PTPRR: variants seen among roughly 807,000 people sequenced by gnomAD.
The protein encoded by PTPRR is protein tyrosine phosphatase receptor type R, also known as receptor-type tyrosine-protein phosphatase R.
A neutral mutation model predicts 77.2 loss-of-function variants in PTPRR; 38 were observed. The ratio of observed to expected loss-of-function variants is 0.49; its 90% CI spans 0.38 to 0.65. The LOEUF (loss-of-function observed/expected upper bound fraction) is 0.65. Among genes scored for constraint, PTPRR ranks in the 30% least tolerant of loss-of-function variants. The pLI is 0.00. For synonymous variants in PTPRR, 299 were observed against 283.1 expected (o/e 1.06, Z -0.57); for missense variants, 744 against 799.2 (o/e 0.93, Z 0.83).
chr12:70,892,649 G>T, intron 2 of PTPRR, 30 bp downstream of exon 2: 1 of 1,604,288 alleles, frequency 6.2e-7, no homozygotes, highest in Non-Finnish European at 8.5e-7. Flanking sequence ...ATCAACATCA[G>T]CCTCAGCATC....
intron 2 of PTPRR, among the ~76,000 whole-genome samples, chr12:70,787,832 T>G (rs1891353934): frequency 6.6e-6 from 1 of 152,196 alleles, no homozygotes. Flanking sequence ...AATTTTATTA[T>G]TAAGATGGAT....
intron 1 of PTPRR, among the ~76,000 whole-genome samples, chr12:70,906,542 C>A (rs1893625133): frequency 6.6e-6 from 1 of 152,010 alleles, no homozygotes; most frequent in South Asian, 2.1e-4. Context: ...AGTAATAACA[C>A]TAAACCCCAC....
intron 6 of PTPRR, among the ~76,000 whole-genome samples, chr12:70,707,791 C>T (rs950556611): frequency 6.6e-6 from 1 of 152,100 alleles, no homozygotes; most frequent in Non-Finnish European, 1.5e-5. Flanking sequence ...CAGACCTTTG[C>T]AGTTGTTCCT....
intron 2 of PTPRR, among the ~76,000 whole-genome samples, chr12:70,801,535 G>C (rs192778001): frequency 3.9e-5 from 6 of 152,282 alleles, no homozygotes; most frequent in East Asian, 1.9e-4. Flanking sequence ...CTTGTACGTG[G>C]ATTCAGATTC....
At chr12:70,769,857 A>T (rs951432890) in intron 2 of PTPRR, among the ~76,000 whole-genome samples, 2 of 152,094 alleles carry the variant, frequency 1.3e-5, no homozygotes, top group African/African-American at 2.4e-5. Context: ...ATAACGCCGC[A>T]TATCTACAAC....
At chr12:70,770,231 A>C (rs1450558269) in intron 2 of PTPRR, among the ~76,000 whole-genome samples, 4 of 150,680 alleles carry the variant, frequency 2.7e-5, no homozygotes, top group East Asian at 3.9e-4. Context: ...CAACCTACAA[A>C]ATGGGAGAAA....
intron 5 of PTPRR, 109 bp from the exon 6 acceptor site, chr12:70,746,195 A>G: frequency 1.0e-6 from 1 of 997,236 alleles, no homozygotes; most frequent in South Asian, 1.7e-5. Flanking sequence ...GCTTAACGAT[A>G]AAGTAAACAA....
intron 2 of PTPRR, among the ~76,000 whole-genome samples, chr12:70,808,388 C>T (rs1891749127): frequency 6.6e-6 from 1 of 152,162 alleles, no homozygotes; most frequent in South Asian, 2.1e-4. Context: ...ATCTCTGTGA[C>T]CCACACCCTA....
In PTPRR at chr12:70,754,213, A is replaced by C. The variant is rs765894494; in HGVS notation, c.716T>G (p.Val239Gly). ...TACCATCAAACACGTTACTATAATA[A>C]CAAAGATGCTGAGAAAAATGACAAC... ...YAVVIFLSIFVIIVTCLMILY... is the reference protein window; with the variant it reads ...YAVVIFLSIFGIIVTCLMILY... The change falls in exon 5 of 14, where the codon GTT (valine) becomes GGT (glycine). Residue 239 changes from valine (V) to glycine (G), a missense_variant. Around this residue, in one of 3 missense-constraint regions of PTPRR, gnomAD observed 570 missense variants for 573.2 expected, o/e 0.99. Transcript: ENST00000283228. The C allele has an allele frequency of 6.2e-7, 1 of 1,613,558 alleles. No homozygotes were observed. Among genetic ancestry groups the C allele is most frequent in the Non-Finnish European group, 8.5e-7 (1 of 1,179,732 alleles).
At chr12:70,661,422 C>T (rs1886796719) in intron 11 of PTPRR, among the ~76,000 whole-genome samples, 1 of 151,932 alleles carries the variant, frequency 6.6e-6, no homozygotes, top group Non-Finnish European at 1.5e-5. Context: ...GAAAATGTAG[C>T]CAAGAAAGAA....
intron 2 of PTPRR, among the ~76,000 whole-genome samples, chr12:70,823,830 G>T (rs1400620893): frequency 6.6e-6 from 1 of 152,206 alleles, no homozygotes; most frequent in African/African-American, 2.4e-5. Context: ...GAACTAGATA[G>T]AAAGGGGCTG....
intron 2 of PTPRR, among the ~76,000 whole-genome samples, chr12:70,817,472 G>A (rs539341182): frequency 9.8e-4 from 149 of 152,288 alleles, no homozygotes; most frequent in Middle Eastern, 3.4e-3. Flanking sequence ...GAGGTAAAGA[G>A]CCATAATATC....
At chr12:70,708,609 A>G (rs1489365388) in intron 6 of PTPRR, among the ~76,000 whole-genome samples, 1 of 151,752 alleles carries the variant, frequency 6.6e-6, no homozygotes, top group African/African-American at 2.4e-5. Flanking sequence ...ACTGTCATTC[A>G]TGGTGAGGAG....
At chr12:70,840,428 A>G (rs561966065) in intron 2 of PTPRR, among the ~76,000 whole-genome samples, 1 of 152,326 alleles carries the variant, frequency 6.6e-6, no homozygotes, top group South Asian at 2.1e-4. Context: ...TAGTAACCAC[A>G]GTTCCATCTG....
intron 10 of PTPRR, among the ~76,000 whole-genome samples, chr12:70,679,490 T>G (rs938802114): frequency 1.3e-5 from 2 of 152,204 alleles, no homozygotes; most frequent in Admixed American, 6.5e-5. Flanking sequence ...GGTGTTGAAG[T>G]TGAAGTTCAT....
chr12:70,717,289 T>G (rs1889068201), intron 6 of PTPRR, among the ~76,000 whole-genome samples: 1 of 152,158 alleles, frequency 6.6e-6, no homozygotes, highest in South Asian at 2.1e-4. Context: ...TTAAAAACAT[T>G]GAGCACTAAC....
intron 2 of PTPRR, among the ~76,000 whole-genome samples, chr12:70,872,252 C>T (rs1441295834): frequency 6.6e-6 from 1 of 152,042 alleles, no homozygotes; most frequent in Non-Finnish European, 1.5e-5. Context: ...CATAATGGCA[C>T]ATGAAGTAGG....
intron 2 of PTPRR, among the ~76,000 whole-genome samples, chr12:70,847,995 T>C (rs1168042430): frequency 6.6e-6 from 1 of 152,218 alleles, no homozygotes; most frequent in Non-Finnish European, 1.5e-5. Flanking sequence ...TTCTGAAAAC[T>C]ATTTCATATG....
intron 6 of PTPRR, among the ~76,000 whole-genome samples, chr12:70,723,588 GAC>G (rs1287954868): frequency 1.1e-4 from 17 of 152,176 alleles, no homozygotes; most frequent in Middle Eastern, 3.4e-3. Flanking sequence ...TTTTTATAAG[GAC>G]AGTCTCAAGT....
Sources: allele counts gnomAD v4.1 joint callset (sites outside exome capture counted in the v4.1 genomes callset), GRCh38; gene constraint gnomAD v4.1.1; regional missense constraint gnomAD v4.1.1; transcripts MANE v1.5; gene names NCBI Gene and HGNC (gene_info 2026-07-23, HGNC 2026-07-21).